Variants in ARSJ observed in about 807,000 individuals in gnomAD.
ARSJ encodes the protein arylsulfatase J.
ARSJ carries 26 observed loss-of-function variants against 35.9 expected under a neutral mutation model. The observed-to-expected ratio is 0.72, with a 90% CI of 0.53 to 1.00. The LOEUF (loss-of-function observed/expected upper bound fraction) is 1.00. Among genes scored for constraint, ARSJ ranks in the 50% least tolerant of loss-of-function variants. The pLI is 0.00. For synonymous variants in ARSJ, 294 were observed against 267.6 expected, an observed-to-expected ratio of 1.10 and a Z score of -0.96; for missense variants, 667 against 723.6, an observed-to-expected ratio of 0.92 and a Z score of 0.90.
chr4:113,920,561 A>G (rs1396036001), intron 1 of ARSJ, among the ~76,000 whole-genome samples: 1 of 152,152 alleles, frequency 6.6e-6, no homozygotes, highest in African/African-American at 2.4e-5. Flanking sequence ...CTCTAAGTCA[A>G]TGACTTTTTT....
chr4:113,937,356 T>C (rs1724827028), intron 1 of ARSJ, among the ~76,000 whole-genome samples: 1 of 151,702 alleles, frequency 6.6e-6, no homozygotes, highest in South Asian at 2.1e-4. Context: ...GTAGAAAATA[T>C]GGATAATAAA....
At position 113,901,028 on chromosome 4, in the gene ARSJ, C is replaced by G. The variant is rs2099666887; in HGVS notation, c.*1246G>C. ...GGGAAAATCTTTCTCCATGTCATAG[C>G]CAAGGGGAAGCATCTATCTGTAAAA... On this transcript the variant is annotated 3_prime_UTR_variant, in exon 2 of 2. Coordinates refer to ENST00000315366, the MANE Select transcript of ARSJ (RefSeq NM_024590.4). The G allele has an allele frequency of 6.6e-6, 1 of 152,022 alleles. No homozygotes were observed. Among genetic ancestry groups the G allele is most frequent in the Non-Finnish European group, 1.5e-5 (1 of 68,008 alleles). 9.4% of individuals were successfully genotyped at this position (152,022 alleles called of 1,614,324 possible). A position where few individuals can be genotyped will look rare whatever the true frequency, so the allele number is the denominator to read the frequency against.
At chr4:113,946,278 C>T (rs1218033506) in intron 1 of ARSJ, 2 of 151,932 alleles carry the variant, frequency 1.3e-5, no homozygotes, top group Non-Finnish European at 2.9e-5. Context: ...AAAAGAAATC[C>T]TAAATGTAGC....
chr4:113,916,185 C>T (rs1163300189), intron 1 of ARSJ, among the ~76,000 whole-genome samples: 3 of 152,120 alleles, frequency 2.0e-5, no homozygotes, highest in Non-Finnish European at 4.4e-5. Context: ...GACATTCTGC[C>T]TAATGACTTG....
rs145449869 is a variant in ARSJ, at chr4:113,902,192, G to A, written c.*82C>T. ...TGACGCTTAGGCCAGCGATATTATC[G>A]AGCCAAATTTGCTGGTTTACCTAGG... On this transcript the variant is annotated 3_prime_UTR_variant, in exon 2 of 2. Coordinates refer to ENST00000315366, the MANE Select transcript of ARSJ (RefSeq NM_024590.4). 2.5e-6 allele frequency: 4 copies of A among 1,599,220 alleles called. No individual in the cohort carries two copies. In the Admixed American group the frequency reaches 6.7e-5, roughly 27 times the overall value.
chr4:113,911,985 A>G (rs1722939110), intron 1 of ARSJ, among the ~76,000 whole-genome samples: 1 of 152,224 alleles, frequency 6.6e-6, no homozygotes, highest in Non-Finnish European at 1.5e-5. Context: ...TACCGAAATT[A>G]GATCACCATA....
intron 1 of ARSJ, among the ~76,000 whole-genome samples, chr4:113,918,390 T>C (rs905862434): frequency 2.0e-5 from 3 of 152,196 alleles, no homozygotes; most frequent in Admixed American, 1.3e-4. Flanking sequence ...TGTAAAAGGC[T>C]TGTTATTACT....
At chr4:113,916,518 C>A (rs1469902845) in intron 1 of ARSJ, among the ~76,000 whole-genome samples, 1 of 91,624 alleles carries the variant, frequency 1.1e-5, no homozygotes, top group Non-Finnish European at 2.6e-5. Context: ...ATTGTTACTA[C>A]ACGTTCTCTC....
chr4:113,945,391 G>A (rs115352190), intron 1 of ARSJ, among the ~76,000 whole-genome samples: 2,384 of 152,182 alleles, frequency 0.016, 64 homozygotes, highest in African/African-American at 0.055. Flanking sequence ...TCCCACATCA[G>A]CCTCCTAAAG....
intron 1 of ARSJ, among the ~76,000 whole-genome samples, chr4:113,906,094 AC>A (rs1177080805): frequency 6.6e-6 from 1 of 152,236 alleles, no homozygotes; most frequent in African/African-American, 2.4e-5. Flanking sequence ...CAAGTACATG[AC>A]AAATTAGTAA....
chr4:113,904,032 C>T (rs2099667957), intron 1 of ARSJ, among the ~76,000 whole-genome samples: 1 of 152,156 alleles, frequency 6.6e-6, no homozygotes, highest in African/African-American at 2.4e-5. Context: ...AAGCGATTCT[C>T]CTGCCTCAGC....
At chr4:113,969,641 C>T (rs1316230896) in intron 1 of ARSJ, among the ~76,000 whole-genome samples, 2 of 152,082 alleles carry the variant, frequency 1.3e-5, no homozygotes, top group South Asian at 2.1e-4. Context: ...GAAAACAATG[C>T]ATCTCAGAAA....
chr4:113,971,689 C>G (rs1028799540), intron 1 of ARSJ, among the ~76,000 whole-genome samples: 1 of 152,156 alleles, frequency 6.6e-6, no homozygotes, highest in Non-Finnish European at 1.5e-5. Flanking sequence ...GAACTTCTAA[C>G]AGTAAACATG....
intron 1 of ARSJ, among the ~76,000 whole-genome samples, chr4:113,974,630 C>T (rs1217100107): frequency 1.3e-5 from 2 of 152,046 alleles, no homozygotes; most frequent in African/African-American, 2.4e-5. Context: ...TGTAGCAGTG[C>T]ATAATGACCA....
chr4:113,967,581 G>A (rs899397996), intron 1 of ARSJ, among the ~76,000 whole-genome samples: 28 of 152,132 alleles, frequency 1.8e-4, no homozygotes, highest in Admixed American at 1.8e-3. Flanking sequence ...GCTGGGGTTA[G>A]ACATAGGTGT....
chr4:113,971,637 C>T (rs1396126260), intron 1 of ARSJ, among the ~76,000 whole-genome samples: 3 of 152,120 alleles, frequency 2.0e-5, no homozygotes, highest in African/African-American at 7.2e-5. Flanking sequence ...TATCCATTTT[C>T]CAGAGTCAAA....
chr4:113,941,947 A>G (rs1725185769), intron 1 of ARSJ, among the ~76,000 whole-genome samples: 1 of 151,996 alleles, frequency 6.6e-6, no homozygotes, highest in South Asian at 2.1e-4. Context: ...GCAGAGGTTC[A>G]GGGGTAGAGG....
chr4:113,920,786 T>C (rs912297701), intron 1 of ARSJ, among the ~76,000 whole-genome samples: 1 of 152,162 alleles, frequency 6.6e-6, no homozygotes, highest in Non-Finnish European at 1.5e-5. Context: ...GCAAGCATTT[T>C]ATATACATCA....
At chr4:113,909,324 C>CA (rs970000344) in intron 1 of ARSJ, among the ~76,000 whole-genome samples, 10 of 151,912 alleles carry the variant, frequency 6.6e-5, no homozygotes, top group African/African-American at 2.4e-4. Flanking sequence ...AATAAACAAA[C>CA]AAAAAAATAG....
Sources: gnomAD v4.1 joint callset for allele counts (sites outside exome capture counted in the v4.1 genomes callset) on GRCh38, gnomAD v4.1.1 for gene constraint, MANE v1.5 for transcripts, NCBI Gene and HGNC (gene_info 2026-07-23, HGNC 2026-07-21) for gene names.